CASP9: variants seen among roughly 807,000 people sequenced by gnomAD.
CASP9 encodes the protein caspase 9.
A neutral mutation model predicts 43.5 loss-of-function variants in CASP9; 29 were observed. That is an observed-to-expected ratio of 0.67 (90% CI 0.50 to 0.91). CASP9 has a LOEUF of 0.91. Ranked by LOEUF, CASP9 falls within the 40% of genes least tolerant of loss-of-function variation. The pLI is 0.00. For synonymous variants in CASP9, 206 were observed against 211.9 expected (o/e 0.97, Z 0.24); for missense variants, 575 against 537.4 (o/e 1.07, Z -0.69).
At chr1:15,503,268 G>A (rs368372289) in intron 6 of CASP9, among the ~76,000 whole-genome samples, 2 of 151,992 alleles carry the variant, frequency 1.3e-5, no homozygotes, top group East Asian at 1.9e-4. Flanking sequence ...GTGTGCACCT[G>A]TAGCCCCAGC....
chr1:15,518,069 A>G (rs1233504738), intron 2 of CASP9, 41 bp downstream of exon 2: 7 of 1,603,768 alleles, frequency 4.4e-6, no homozygotes, highest in Non-Finnish European at 6.0e-6. Flanking sequence ...CCAAATGACT[A>G]CGTGTCATGC....
In CASP9 at chr1:15,495,311, G is replaced by T. The variant is rs1428466962; in HGVS notation, c.1010C>A (p.Thr337Lys). 4 of 1,611,682 alleles carry T rather than the reference G, an allele frequency of 2.5e-6. No homozygotes were observed. In the South Asian group the frequency reaches 4.4e-5, roughly 18 times the overall value. Residue 337 changes from threonine to lysine, a missense_variant, in exon 7 of 9, where the codon ACA becomes AAA. Physicochemically the swap from Thr to Lys is moderately conservative, Grantham distance 78. Transcript: ENST00000333868. Reference sequence around the variant, plus strand: ...GTAGGACACAAAGATGTCACTGGGTGTGGGCAAACTAGATATGGCGTCCAG... The same window carrying T: ...GTAGGACACAAAGATGTCACTGGGTTTGGGCAAACTAGATATGGCGTCCAG... ...DQLDAISSLP[T>K]PSDIFVSYST... is the part of the protein sequence containing the mutation.
upstream of CASP9, chr1:15,524,494 GCC>G (rs1710369500): frequency 1.7e-6 from 1 of 596,574 alleles, no homozygotes; most frequent in African/African-American, 5.8e-5. Flanking sequence ...TCACCGCCCC[GCC>G]CCAGAACCCG....
At chr1:15,496,334 A>T (rs1434155399) in intron 6 of CASP9, among the ~76,000 whole-genome samples, 1 of 152,214 alleles carries the variant, frequency 6.6e-6, no homozygotes, top group African/African-American at 2.4e-5. Flanking sequence ...AAAGACTGAA[A>T]CCTTTTTCTA....
intron 2 of CASP9, among the ~76,000 whole-genome samples, chr1:15,513,567 C>G (rs1709845318): frequency 6.6e-6 from 1 of 152,158 alleles, no homozygotes; most frequent in African/African-American, 2.4e-5. Flanking sequence ...AGCTTCATAG[C>G]ACTACCCACA....
At chr1:15,510,149 C>T (rs1344682198) in intron 2 of CASP9, among the ~76,000 whole-genome samples, 1 of 152,104 alleles carries the variant, frequency 6.6e-6, no homozygotes, top group Non-Finnish European at 1.5e-5. Flanking sequence ...AGGCTGGTCT[C>T]GAACTCCTGA....
intron 6 of CASP9, among the ~76,000 whole-genome samples, chr1:15,497,857 G>C (rs892856123): frequency 5.3e-5 from 8 of 152,116 alleles, no homozygotes; most frequent in East Asian, 1.9e-4. Flanking sequence ...TCTGGAAAAA[G>C]AGCAAAATTG....
At chr1:15,518,874 G>GTTTT (rs67264894) in intron 1 of CASP9, among the ~76,000 whole-genome samples, 3 of 148,720 alleles carry the variant, frequency 2.0e-5, no homozygotes, top group Non-Finnish European at 3.0e-5. Context: ...TTTTGTTTTT[G>GTTTT]TTTTTTTTTT....
At chr1:15,504,219 T>C (rs1402386235) in intron 6 of CASP9, among the ~76,000 whole-genome samples, 4 of 152,238 alleles carry the variant, frequency 2.6e-5, no homozygotes, top group Non-Finnish European at 5.9e-5. Flanking sequence ...GGTTTCTCCA[T>C]GCAGTTTAGC....
chr1:15,519,903 G>A (rs2103378834), intron 1 of CASP9: 1 of 152,722 alleles, frequency 6.5e-6, no homozygotes, highest in South Asian at 2.1e-4. Flanking sequence ...CTACTCAGGA[G>A]GCTGAGGCTC....
chr1:15,507,626 C>T (rs1487905236), intron 3 of CASP9: 4 of 536,096 alleles, frequency 7.5e-6, no homozygotes, highest in African/African-American at 1.9e-5. Flanking sequence ...GTCTGGATCC[C>T]GATGACTGCC....
chr1:15,496,688 C>T (rs9628699), intron 6 of CASP9, among the ~76,000 whole-genome samples: 2,080 of 152,266 alleles, frequency 0.014, 51 homozygotes, highest in African/African-American at 0.047. Context: ...TAGAAATTAA[C>T]TTAACCAAGA....
chr1:15,521,978 GGTAA>G (rs2103384351), intron 1 of CASP9, among the ~76,000 whole-genome samples: 1 of 152,224 alleles, frequency 6.6e-6, no homozygotes, highest in South Asian at 2.1e-4. Flanking sequence ...CCACTGAGAA[GGTAA>G]GTCTCACTAG....
At chr1:15,518,553 G>A (rs926990270) in intron 1 of CASP9, among the ~76,000 whole-genome samples, 158 bp from the exon 2 acceptor site, 1 of 152,198 alleles carries the variant, frequency 6.6e-6, no homozygotes, top group East Asian at 1.9e-4. Context: ...AGCCTTTGCT[G>A]ATCTGTTCAT....
At chr1:15,513,784 A>G (rs1396201715) in intron 2 of CASP9, among the ~76,000 whole-genome samples, 1 of 152,216 alleles carries the variant, frequency 6.6e-6, no homozygotes, top group Non-Finnish European at 1.5e-5. Flanking sequence ...TTCATGAGAC[A>G]GTGATGGAGT....
At chr1:15,510,099 T>C (rs1004368017) in intron 2 of CASP9, among the ~76,000 whole-genome samples, 1 of 152,006 alleles carries the variant, frequency 6.6e-6, no homozygotes, top group African/African-American at 2.4e-5. Context: ...TTGGCTAATT[T>C]TTGTATTTTT....
chr1:15,524,204 G>A lies in CASP9; in HGVS notation c.-4C>T. 2 of 1,542,984 alleles carry A rather than the reference G, an allele frequency of 1.3e-6. No individual in the cohort carries two copies. Among genetic ancestry groups the A allele is most frequent in the Non-Finnish European group, 1.7e-6 (2 of 1,149,124 alleles). On this transcript the variant is annotated 5_prime_UTR_variant, in exon 1 of 9. Coordinates refer to ENST00000333868, the MANE Select transcript of CASP9 (RefSeq NM_001229.5). Reference sequence around the variant, plus strand: ...GCCGCCGATCCGCTTCGTCCATGGCGAGTAGCCAACTAAGACTCCAGGCCG... The same window carrying A: ...GCCGCCGATCCGCTTCGTCCATGGCAAGTAGCCAACTAAGACTCCAGGCCG...
At chr1:15,494,422 G>A (rs1709017211) in intron 7 of CASP9, among the ~76,000 whole-genome samples, 1 of 152,058 alleles carries the variant, frequency 6.6e-6, no homozygotes, top group Non-Finnish European at 1.5e-5. Flanking sequence ...AAAATTAGCT[G>A]GGTGTGGTGA....
intron 6 of CASP9, among the ~76,000 whole-genome samples, chr1:15,497,309 TA>T (rs200717519): frequency 1.3e-3 from 132 of 101,758 alleles, no homozygotes; most frequent in Middle Eastern, 5.7e-3. Flanking sequence ...GGACTCCATC[TA>T]AAAAAAAAAA....
Sources: allele counts gnomAD v4.1 joint callset (sites outside exome capture counted in the v4.1 genomes callset), GRCh38; gene constraint gnomAD v4.1.1; transcripts MANE v1.5; gene names NCBI Gene and HGNC (gene_info 2026-07-23, HGNC 2026-07-21).